LRMDA: variants seen among roughly 807,000 people sequenced by gnomAD.
The protein encoded by LRMDA is leucine rich melanocyte differentiation associated.
LRMDA carries 18 observed loss-of-function variants against 29.8 expected under a neutral mutation model. The observed-to-expected ratio is 0.60, with a 90% CI of 0.42 to 0.90. The LOEUF is 0.90. Among genes scored for constraint, LRMDA ranks in the 40% least tolerant of loss-of-function variants. LRMDA has a pLI of 0.00. For synonymous variants in LRMDA, 125 were observed against 109.4 expected (o/e 1.14, Z -0.89); for missense variants, 273 against 273.9 (o/e 1.00, Z 0.02).
intron 2 of LRMDA, among the ~76,000 whole-genome samples, chr10:75,959,507 G>A (rs568747231): frequency 2.6e-3 from 269 of 102,122 alleles, no homozygotes; most frequent in South Asian, 9.9e-3. Flanking sequence ...ACATGTGCGC[G>A]CACGTGCATG....
At chr10:75,783,498 A>G (rs1433190132) in intron 2 of LRMDA, among the ~76,000 whole-genome samples, 1 of 152,030 alleles carries the variant, frequency 6.6e-6, no homozygotes, top group Non-Finnish European at 1.5e-5. Flanking sequence ...AAAAAAAAAA[A>G]AAAAAAGTCT....
chr10:76,119,385 A>G (rs1231380262), intron 5 of LRMDA, among the ~76,000 whole-genome samples: 1 of 151,864 alleles, frequency 6.6e-6, no homozygotes, highest in East Asian at 1.9e-4. Context: ...AAAAATGAAG[A>G]GGGAACCTGG....
intron 6 of LRMDA, among the ~76,000 whole-genome samples, chr10:76,402,931 G>A (rs555244307): frequency 6.6e-6 from 1 of 152,118 alleles, no homozygotes; most frequent in East Asian, 2.0e-4. Flanking sequence ...TAGTTCCTAG[G>A]GAGAGCTTTG....
At chr10:76,368,641 T>C (rs1047513605) in intron 6 of LRMDA, among the ~76,000 whole-genome samples, 1 of 152,214 alleles carries the variant, frequency 6.6e-6, no homozygotes, top group African/African-American at 2.4e-5. Context: ...ATAGTTTAAA[T>C]TCATTGTTTC....
At chr10:75,861,316 T>C (rs911906240) in intron 2 of LRMDA, among the ~76,000 whole-genome samples, 4 of 152,322 alleles carry the variant, frequency 2.6e-5, no homozygotes, top group African/African-American at 9.6e-5. Flanking sequence ...TATCCATTTA[T>C]AGGGGTCCTT....
At chr10:76,378,381 T>G (rs906013672) in intron 6 of LRMDA, among the ~76,000 whole-genome samples, 7 of 152,180 alleles carry the variant, frequency 4.6e-5, no homozygotes, top group African/African-American at 1.7e-4. Flanking sequence ...TTTATTTATT[T>G]CTTTTGCCTG....
intron 2 of LRMDA, among the ~76,000 whole-genome samples, chr10:75,558,508 C>T (rs891262414): frequency 6.6e-5 from 10 of 151,828 alleles, no homozygotes; most frequent in Admixed American, 5.3e-4. Context: ...TGGAGTATGA[C>T]TTTATTTTGT....
intron 5 of LRMDA, among the ~76,000 whole-genome samples, chr10:76,282,026 C>A (rs1175978236): frequency 6.6e-6 from 1 of 152,152 alleles, no homozygotes; most frequent in African/African-American, 2.4e-5. Flanking sequence ...ATATATATGG[C>A]AAAGATGCCT....
At chr10:76,111,018 G>T (rs567388481) in intron 5 of LRMDA, among the ~76,000 whole-genome samples, 54 of 152,054 alleles carry the variant, frequency 3.6e-4, no homozygotes, top group African/African-American at 1.2e-3. Context: ...TCCACAACGG[G>T]CCTTTGTTCA....
intron 2 of LRMDA, among the ~76,000 whole-genome samples, chr10:75,924,741 G>A (rs1264987201): frequency 2.0e-5 from 3 of 152,160 alleles, no homozygotes; most frequent in Non-Finnish European, 4.4e-5. Flanking sequence ...ATTAAACAAG[G>A]GGGTGGGGGC....
chr10:75,740,792 A>G (rs1204367153), intron 2 of LRMDA, among the ~76,000 whole-genome samples: 1 of 152,178 alleles, frequency 6.6e-6, no homozygotes, highest in Non-Finnish European at 1.5e-5. Context: ...TTCAATTTCT[A>G]ATAATTCATA....
At chr10:76,365,782 G>T (rs1276118187) in intron 6 of LRMDA, among the ~76,000 whole-genome samples, 1 of 152,106 alleles carries the variant, frequency 6.6e-6, no homozygotes, top group Non-Finnish European at 1.5e-5. Flanking sequence ...TGTTTTTATT[G>T]CATTTGCTTT....
chr10:75,786,530 G>T (rs1452607676), intron 2 of LRMDA, among the ~76,000 whole-genome samples: 2 of 151,996 alleles, frequency 1.3e-5, no homozygotes, highest in African/African-American at 2.4e-5. Flanking sequence ...AGTACCAATT[G>T]TGTGCTGTTT....
chr10:75,618,382 C>CTATATATATATATATA (rs71477026), intron 2 of LRMDA, among the ~76,000 whole-genome samples: 1 of 77,022 alleles, frequency 1.3e-5, no homozygotes, highest in Admixed American at 1.5e-4. Context: ...CTCTCTCTCT[C>CTATATATATATATATA]TATATATATA....
intron 2 of LRMDA, among the ~76,000 whole-genome samples, chr10:75,947,649 TG>T (rs1846499772): frequency 6.6e-6 from 1 of 152,192 alleles, no homozygotes; most frequent in Admixed American, 6.5e-5. Flanking sequence ...CCTTTTAAAA[TG>T]AGAATAAAAA....
chr10:75,913,112 T>A (rs1209181406), intron 2 of LRMDA, among the ~76,000 whole-genome samples: 2 of 152,204 alleles, frequency 1.3e-5, no homozygotes, highest in East Asian at 1.9e-4. Flanking sequence ...AGTAGTTTTT[T>A]TTCTTAATGA....
At chr10:75,629,570 C>T (rs777572847) in intron 2 of LRMDA, among the ~76,000 whole-genome samples, 3 of 152,166 alleles carry the variant, frequency 2.0e-5, no homozygotes, top group South Asian at 4.1e-4. Context: ...AACTTTCATT[C>T]CATAAGCTTT....
At chr10:75,567,072 C>T (rs1438314443) in intron 2 of LRMDA, among the ~76,000 whole-genome samples, 1 of 152,196 alleles carries the variant, frequency 6.6e-6, no homozygotes, top group Non-Finnish European at 1.5e-5. Context: ...CTTTCCTGAA[C>T]CATCTAAGAG....
At chr10:76,253,815 A>G (rs866690110) in intron 5 of LRMDA, among the ~76,000 whole-genome samples, 3 of 152,134 alleles carry the variant, frequency 2.0e-5, no homozygotes, top group African/African-American at 7.2e-5. Context: ...AAAATAAGAT[A>G]CTATTTGTAT....
Sources: gnomAD v4.1 joint callset for allele counts (sites outside exome capture counted in the v4.1 genomes callset) on GRCh38, gnomAD v4.1.1 for gene constraint, MANE v1.5 for transcripts, NCBI Gene and HGNC (gene_info 2026-07-23, HGNC 2026-07-21) for gene names.